The following EEFSEC variants were observed in gnomAD, a reference collection of about 807,000 sequenced individuals.
The protein encoded by EEFSEC is selenocysteine-specific elongation factor.
A neutral mutation model predicts 42.1 loss-of-function variants in EEFSEC; 43 were observed. The ratio of observed to expected loss-of-function variants is 1.02; its 90% CI spans 0.80 to 1.32. The LOEUF (loss-of-function observed/expected upper bound fraction) is 1.32. Ranked by LOEUF, EEFSEC falls within the 40% of genes most tolerant of loss-of-function variation. The pLI is 0.00. For synonymous variants in EEFSEC, 354 were observed against 339.1 expected (o/e 1.04, Z -0.48); for missense variants, 745 against 803.6 (o/e 0.93, Z 0.88).
At chr3:128,364,064 G>A (rs748303989) in intron 6 of EEFSEC, among the ~76,000 whole-genome samples, 36 of 152,304 alleles carry the variant, frequency 2.4e-4, no homozygotes, top group Middle Eastern at 3.4e-3. Flanking sequence ...CTGGGAGGCC[G>A]AGGCAAGAGA....
At chr3:128,425,160 T>A in the EEFSEC span, among the ~76,000 whole-genome samples, 1 of 152,222 alleles carries the variant, frequency 6.6e-6, no homozygotes, top group Admixed American at 6.5e-5. Context: ...TGCACCCCCA[T>A]GCTTCATGCC....
chr3:128,255,002 T>G (rs558160380), intron 2 of EEFSEC, among the ~76,000 whole-genome samples: 1 of 152,244 alleles, frequency 6.6e-6, no homozygotes, highest in Non-Finnish European at 1.5e-5. Context: ...GACCATGCAG[T>G]CAGAGAGGAC....
chr3:128,424,365 G>A, the EEFSEC span, among the ~76,000 whole-genome samples: 2 of 152,072 alleles, frequency 1.3e-5, no homozygotes, highest in Non-Finnish European at 2.9e-5. Flanking sequence ...GTTTGGGGGT[G>A]TTTTGGGTTT....
intron 1 of EEFSEC, among the ~76,000 whole-genome samples, chr3:128,220,357 T>C (rs1297263515): frequency 6.6e-6 from 1 of 152,226 alleles, no homozygotes; most frequent in Non-Finnish European, 1.5e-5. Flanking sequence ...ATGGTGTTTA[T>C]GTGGCTGTTC....
chr3:128,236,330 T>C (rs922268281), intron 1 of EEFSEC, among the ~76,000 whole-genome samples: 3 of 152,222 alleles, frequency 2.0e-5, no homozygotes, highest in African/African-American at 7.2e-5. Context: ...ACTTGGGTTC[T>C]GGAGCCACAT....
intron 1 of EEFSEC, among the ~76,000 whole-genome samples, chr3:128,181,674 G>T (rs1045488224): frequency 6.6e-6 from 1 of 152,082 alleles, no homozygotes; most frequent in Non-Finnish European, 1.5e-5. Context: ...CTGGGCTGGT[G>T]GGGGGCGGTC....
At chr3:128,353,373 TG>T (rs1285595151) in intron 5 of EEFSEC, among the ~76,000 whole-genome samples, 2 of 152,204 alleles carry the variant, frequency 1.3e-5, no homozygotes, top group Non-Finnish European at 2.9e-5. Flanking sequence ...CTGACTGGGC[TG>T]GAACACCTTC....
At chr3:128,346,442 A>C (rs1183420814) in intron 5 of EEFSEC, among the ~76,000 whole-genome samples, 1 of 152,060 alleles carries the variant, frequency 6.6e-6, no homozygotes, top group African/African-American at 2.4e-5. Flanking sequence ...CTCTTTTTTG[A>C]CATTGTTTTT....
intron 6 of EEFSEC, among the ~76,000 whole-genome samples, chr3:128,382,373 C>T (rs1310785358): frequency 6.6e-6 from 1 of 152,220 alleles, no homozygotes; most frequent in Non-Finnish European, 1.5e-5. Context: ...AGGCTGTGTG[C>T]GCCCAGCGGA....
At chr3:128,207,909 T>C (rs1215285242) in intron 1 of EEFSEC, among the ~76,000 whole-genome samples, 1 of 152,160 alleles carries the variant, frequency 6.6e-6, no homozygotes, top group Non-Finnish European at 1.5e-5. Context: ...TCAGGGCTTA[T>C]TGTCTGTGGC....
intron 4 of EEFSEC, among the ~76,000 whole-genome samples, chr3:128,334,098 G>C (rs1391000815): frequency 1.3e-5 from 2 of 152,168 alleles, no homozygotes; most frequent in Non-Finnish European, 2.9e-5. Context: ...CCTTCCCCAG[G>C]GTAGCTGCTG....
intron 1 of EEFSEC, among the ~76,000 whole-genome samples, chr3:128,234,919 G>T (rs2065992814): frequency 6.6e-6 from 1 of 152,210 alleles, no homozygotes; most frequent in African/African-American, 2.4e-5. Flanking sequence ...TGTAAGCTCA[G>T]TGCCTGTTAC....
At chr3:128,290,401 T>G (rs907424903) in intron 4 of EEFSEC, among the ~76,000 whole-genome samples, 3 of 152,198 alleles carry the variant, frequency 2.0e-5, no homozygotes, top group African/African-American at 7.2e-5. Flanking sequence ...ACTGAATATG[T>G]GTGGGTCTAC....
intron 2 of EEFSEC, among the ~76,000 whole-genome samples, chr3:128,250,171 T>C (rs1222369991): frequency 1.3e-5 from 2 of 152,200 alleles, no homozygotes; most frequent in African/African-American, 4.8e-5. Context: ...GTCAGAGATA[T>C]GATTTGCAAA....
intron 1 of EEFSEC, among the ~76,000 whole-genome samples, chr3:128,195,624 A>G (rs550414560): frequency 1.4e-4 from 22 of 152,316 alleles, no homozygotes; most frequent in African/African-American, 4.8e-4. Flanking sequence ...TCCTCTCTCC[A>G]TAATGGAGAT....
intron 1 of EEFSEC, among the ~76,000 whole-genome samples, chr3:128,155,977 T>A (rs1171755407): frequency 1.3e-5 from 2 of 152,236 alleles, no homozygotes; most frequent in African/African-American, 4.8e-5. Context: ...ATAACTGAAT[T>A]CTGTTTGGTC....
At chr3:128,158,473 T>C (rs775031013) in intron 1 of EEFSEC, among the ~76,000 whole-genome samples, 1 of 152,194 alleles carries the variant, frequency 6.6e-6, no homozygotes, top group African/African-American at 2.4e-5. Context: ...ATTGTCTTAT[T>C]TCATTAGATT....
chr3:128,401,976 G>A (rs2068053073), intron 6 of EEFSEC, among the ~76,000 whole-genome samples: 1 of 152,212 alleles, frequency 6.6e-6, no homozygotes, highest in Non-Finnish European at 1.5e-5. Context: ...ATGTCAGCGA[G>A]CTTTCTGGCC....
chr3:128,411,736 ACT>A (rs1248051197), downstream of EEFSEC, among the ~76,000 whole-genome samples: 2 of 152,136 alleles, frequency 1.3e-5, no homozygotes, highest in African/African-American at 4.8e-5. Context: ...TGGAATCGAG[ACT>A]CTGATGGAAA....
Sources: gnomAD v4.1 joint callset for allele counts (sites outside exome capture counted in the v4.1 genomes callset) on GRCh38, gnomAD v4.1.1 for gene constraint, MANE v1.5 for transcripts, NCBI Gene and HGNC (gene_info 2026-07-23, HGNC 2026-07-21) for gene names.